The following TUFT1 variants were observed in gnomAD, a reference collection of about 807,000 sequenced individuals.
TUFT1 encodes tuftelin 1.
TUFT1 carries 43 observed loss-of-function variants against 57.8 expected under a neutral mutation model. The ratio of observed to expected loss-of-function variants is 0.74; its 90% CI spans 0.58 to 0.96. The LOEUF (loss-of-function observed/expected upper bound fraction) is 0.96. Among genes scored for constraint, TUFT1 ranks in the 40% least tolerant of loss-of-function variants. The pLI, the probability that TUFT1 is intolerant of heterozygous loss-of-function variation, is 0.00. For synonymous variants in TUFT1, 166 were observed against 176.7 expected (o/e 0.94, Z 0.48); for missense variants, 459 against 489.0 (o/e 0.94, Z 0.58).
chr1:151,565,973 C>T (rs1440313990), intron 5 of TUFT1, 190 bp from the exon 6 acceptor site: 15 of 473,996 alleles, frequency 3.2e-5, no homozygotes. Context: ...GTTCCTTCTT[C>T]CTCTTCTCCT....
intron 1 of TUFT1, chr1:151,540,663 T>C (rs1443367887): frequency 3.9e-6 from 2 of 514,394 alleles, no homozygotes; most frequent in Middle Eastern, 5.3e-4. Flanking sequence ...GGTAGGACAC[T>C]GCGGCTCCTG....
In TUFT1 at chr1:151,564,605, G is replaced by A. The variant is rs139203796; in HGVS notation, c.405G>A (p.Gln135=). Residue 135 remains glutamine (Q), a synonymous_variant, in exon 5 of 13, where the codon CAG becomes CAA. Transcript: ENST00000368849. ...ACCTAGGAGATTCTCTCCATCGACA[G>A]GAGATACAGGTAATAGGAAATGGTC... ...DRNLGDSLHR[Q]EIQVVLEKPN... 134 of 1,613,980 alleles carry A rather than the reference G, an allele frequency of 8.3e-5. No individual in the cohort carries two copies. In the African/African-American group the frequency reaches 1.4e-3, roughly 17 times the overall value.
intron 8 of TUFT1, among the ~76,000 whole-genome samples, 192 bp downstream of exon 8, chr1:151,574,590 A>C (rs1300072801): frequency 6.6e-6 from 1 of 152,176 alleles, no homozygotes; most frequent in Non-Finnish European, 1.5e-5. Context: ...ACTAGAGTTG[A>C]TCCTATTTCC....
At chr1:151,560,958 G>C (rs202133798) in intron 1 of TUFT1, among the ~76,000 whole-genome samples, 1 of 9,286 alleles carries the variant, frequency 1.1e-4, no homozygotes, top group Non-Finnish European at 6.0e-4. Context: ...GCAAAGTATT[G>C]TGTGTGTGTG....
intron 7 of TUFT1, among the ~76,000 whole-genome samples, chr1:151,572,195 T>C (rs1666272785): frequency 6.6e-6 from 1 of 151,774 alleles, no homozygotes; most frequent in Admixed American, 6.6e-5. Flanking sequence ...ATTGAGACTT[T>C]GTCTAAAAAA....
At chr1:151,567,777 C>T (rs1322500053) in intron 6 of TUFT1, among the ~76,000 whole-genome samples, 2 of 152,184 alleles carry the variant, frequency 1.3e-5, no homozygotes, top group Non-Finnish European at 2.9e-5. Flanking sequence ...AACTCCTGAC[C>T]TCAGGTGATC....
chr1:151,550,837 G>T, intron 1 of TUFT1, among the ~76,000 whole-genome samples: 1 of 152,290 alleles, frequency 6.6e-6, no homozygotes, highest in East Asian at 1.9e-4. Context: ...TGAGATGAGA[G>T]GATCAATTGA....
intron 1 of TUFT1, among the ~76,000 whole-genome samples, chr1:151,552,846 T>C (rs1257881852): frequency 1.3e-5 from 2 of 152,156 alleles, no homozygotes; most frequent in Non-Finnish European, 2.9e-5. Flanking sequence ...TTTTTATTAT[T>C]TTTTAAAAGC....
At chr1:151,573,320 C>G (rs900108252) in intron 7 of TUFT1, among the ~76,000 whole-genome samples, 1 of 152,186 alleles carries the variant, frequency 6.6e-6, no homozygotes, top group Non-Finnish European at 1.5e-5. Context: ...CCCCCAGGCT[C>G]TGAAGGCTCT....
At chr1:151,575,550 TGA>T (rs1315955933) in intron 9 of TUFT1, among the ~76,000 whole-genome samples, 1 of 152,160 alleles carries the variant, frequency 6.6e-6, no homozygotes, top group African/African-American at 2.4e-5. Context: ...ACCTCCAAGG[TGA>T]GAGGGTTTTG....
chr1:151,574,874 T>A, intron 8 of TUFT1, 37 bp from the exon 9 acceptor site: 3 of 1,526,480 alleles, frequency 2.0e-6, no homozygotes, highest in Non-Finnish European at 2.7e-6. Flanking sequence ...ACTGTTGCCA[T>A]CTTCTCATCC....
chr1:151,557,599 A>G, intron 1 of TUFT1: 1 of 1,095,932 alleles, frequency 9.1e-7, no homozygotes, highest in Non-Finnish European at 1.4e-6. Flanking sequence ...GCAGCCTCTC[A>G]AGTCCCGAGG....
At chr1:151,542,231 C>CT (rs1198712005) in intron 1 of TUFT1, among the ~76,000 whole-genome samples, 1 of 151,084 alleles carries the variant, frequency 6.6e-6, no homozygotes, top group African/African-American at 2.4e-5. Flanking sequence ...TTTCTTTTCT[C>CT]TTTTTTTGAG....
chr1:151,568,056 T>C (rs1203996951), intron 6 of TUFT1, among the ~76,000 whole-genome samples: 1 of 152,234 alleles, frequency 6.6e-6, no homozygotes, highest in African/African-American at 2.4e-5. Context: ...GAATACATTG[T>C]ACAGTATGTA....
chr1:151,556,414 C>T (rs1665700806), intron 1 of TUFT1, among the ~76,000 whole-genome samples: 1 of 151,124 alleles, frequency 6.6e-6, no homozygotes, highest in Non-Finnish European at 1.5e-5. Context: ...CCCTTCCCAC[C>T]CCCCAGCTCC....
At chr1:151,580,830 G>A (rs1437856043) in intron 11 of TUFT1, 112 bp from the exon 12 acceptor site, 4 of 894,742 alleles carry the variant, frequency 4.5e-6, no homozygotes, top group South Asian at 1.5e-5. Context: ...CATGGTGGGG[G>A]TAGAGGCAAC....
At chr1:151,545,772 C>G (rs1430048034) in intron 1 of TUFT1, 1 of 523,198 alleles carries the variant, frequency 1.9e-6, no homozygotes, top group South Asian at 1.4e-5. Context: ...GAGAGGAAGG[C>G]CTACAGATAG....
chr1:151,574,896 T>C lies in TUFT1; in HGVS notation c.724-15T>C, dbSNP rs369936524. 5 of 1,557,604 alleles carry C rather than the reference T, an allele frequency of 3.2e-6. No homozygotes were observed. In the East Asian group the frequency reaches 7.2e-5, roughly 22 times the overall value. On this transcript the variant is annotated splice_polypyrimidine_tract_variant and intron_variant, in intron 8 of 12. Coordinates refer to ENST00000368849, the MANE Select transcript of TUFT1 (RefSeq NM_020127.3). ...CCATCTTCTCATCCTAGATTTTCTT[T>C]TGTGGCCCACCCAGGAGCATCAGGC... is the stretch of plus-strand genomic sequence containing the variant.
At chr1:151,576,837 T>C (rs6702889) in intron 9 of TUFT1, among the ~76,000 whole-genome samples, 135,829 of 152,182 alleles carry the variant, frequency 0.89, 60,752 homozygotes, top group South Asian at 0.98. Context: ...GTCGGCCAGG[T>C]TGGTCTTGAA....
Sources: gnomAD v4.1 joint callset for allele counts (sites outside exome capture counted in the v4.1 genomes callset) on GRCh38, gnomAD v4.1.1 for gene constraint, MANE v1.5 for transcripts, NCBI Gene and HGNC (gene_info 2026-07-23, HGNC 2026-07-21) for gene names.